LDLRAD4: variants seen among roughly 807,000 people sequenced by gnomAD.
LDLRAD4 encodes the protein low density lipoprotein receptor class A domain containing 4.
Under a neutral mutation model 17.0 loss-of-function variants are expected in LDLRAD4, and 5 were observed. The observed-to-expected ratio is 0.29, with a 90% CI of 0.15 to 0.62. The LOEUF (loss-of-function observed/expected upper bound fraction) is 0.62, where lower values mean the gene tolerates loss of function less well. Among genes scored for constraint, LDLRAD4 ranks in the 20% least tolerant of loss-of-function variants. The pLI, the probability that LDLRAD4 is intolerant of heterozygous loss-of-function variation, is 0.84. For synonymous variants in LDLRAD4, 168 were observed against 171.8 expected (o/e 0.98, Z 0.17); for missense variants, 340 against 424.7 (o/e 0.80, Z 1.75).
At chr18:13,280,189 C>T (rs2045169751) in intron 1 of LDLRAD4, 1 of 152,254 alleles carries the variant, frequency 6.6e-6, no homozygotes, top group Admixed American at 6.5e-5. Flanking sequence ...CTCGATGAAT[C>T]TGAAAACATA....
intron 3 of LDLRAD4, among the ~76,000 whole-genome samples, chr18:13,605,941 G>A (rs1481954349): frequency 6.6e-6 from 1 of 152,160 alleles, no homozygotes; most frequent in Non-Finnish European, 1.5e-5. Flanking sequence ...GCAGGCTCCA[G>A]TTCCCCAGGT....
intron 3 of LDLRAD4, among the ~76,000 whole-genome samples, chr18:13,588,938 T>C (rs567206534): frequency 2.4e-4 from 36 of 150,678 alleles, no homozygotes; most frequent in Middle Eastern, 3.4e-3. Context: ...TTTTTCTTTT[T>C]TTTTTTTTGA....
At chr18:13,505,674 C>T (rs540754968) in intron 3 of LDLRAD4, among the ~76,000 whole-genome samples, 9 of 151,962 alleles carry the variant, frequency 5.9e-5, no homozygotes, top group South Asian at 2.1e-4. Context: ...AAATATTACC[C>T]GGGCGTGGTG....
chr18:13,590,566 T>C (rs2095010947), intron 3 of LDLRAD4, among the ~76,000 whole-genome samples: 1 of 152,200 alleles, frequency 6.6e-6, no homozygotes, highest in African/African-American at 2.4e-5. Flanking sequence ...CAGTCCTCAC[T>C]GGTGTCTTTT....
At chr18:13,387,063 G>A (rs2085893351) in intron 1 of LDLRAD4, among the ~76,000 whole-genome samples, 1 of 152,220 alleles carries the variant, frequency 6.6e-6, no homozygotes, top group Admixed American at 6.5e-5. Context: ...ACAGACCCCA[G>A]TCTAAGGCCT....
intron 1 of LDLRAD4, among the ~76,000 whole-genome samples, chr18:13,363,007 A>G (rs1447922184): frequency 1.3e-5 from 2 of 152,164 alleles, no homozygotes; most frequent in African/African-American, 4.8e-5. Flanking sequence ...AAAAATGCCA[A>G]CCGGCAGCAA....
At chr18:13,280,482 G>C (rs184459472) in intron 1 of LDLRAD4, among the ~76,000 whole-genome samples, 2 of 152,308 alleles carry the variant, frequency 1.3e-5, no homozygotes, top group Admixed American at 6.5e-5. Flanking sequence ...GGGGGGATTG[G>C]AGGAAAATAG....
At chr18:13,544,031 CAG>C (rs2094324199) in intron 3 of LDLRAD4, among the ~76,000 whole-genome samples, 1 of 152,396 alleles carries the variant, frequency 6.6e-6, no homozygotes, top group African/African-American at 2.4e-5. Flanking sequence ...TGCATGCACA[CAG>C]TGTGCACACA....
chr18:13,246,721 G>A (rs1172004738), intron 1 of LDLRAD4, among the ~76,000 whole-genome samples: 1 of 152,160 alleles, frequency 6.6e-6, no homozygotes, highest in Non-Finnish European at 1.5e-5. Flanking sequence ...TGTGGAGTGC[G>A]CCATGTCAGA....
intron 3 of LDLRAD4, among the ~76,000 whole-genome samples, chr18:13,556,867 C>T (rs997887577): frequency 6.6e-6 from 1 of 152,160 alleles, no homozygotes; most frequent in African/African-American, 2.4e-5. Flanking sequence ...TCAAGTTGCT[C>T]TTTTCCCCCG....
intron 1 of LDLRAD4, among the ~76,000 whole-genome samples, chr18:13,339,595 C>G (rs2082270823): frequency 6.6e-6 from 1 of 151,238 alleles, no homozygotes; most frequent in Non-Finnish European, 1.5e-5. Context: ...AGAAAAGGTA[C>G]AGTGTAATGC....
chr18:13,608,171 A>G (rs2095243064), intron 3 of LDLRAD4, among the ~76,000 whole-genome samples: 1 of 145,922 alleles, frequency 6.9e-6, no homozygotes, highest in African/African-American at 2.5e-5. Flanking sequence ...AAAAAAAAAA[A>G]GCTCATCATC....
intron 1 of LDLRAD4, chr18:13,241,582 G>T (rs1188607071): frequency 3.9e-5 from 6 of 152,416 alleles, no homozygotes; most frequent in Admixed American, 3.9e-4. Flanking sequence ...GAGAGCAGCA[G>T]GTGAAGGCTG....
chr18:13,377,451 C>T (rs960975516), intron 1 of LDLRAD4, among the ~76,000 whole-genome samples: 1 of 152,174 alleles, frequency 6.6e-6, no homozygotes, highest in African/African-American at 2.4e-5. Flanking sequence ...CCCGTGCCTT[C>T]TCCCAGGTGG....
At chr18:13,294,110 T>C (rs995257617) in intron 1 of LDLRAD4, among the ~76,000 whole-genome samples, 1 of 152,236 alleles carries the variant, frequency 6.6e-6, no homozygotes, top group Admixed American at 6.5e-5. Flanking sequence ...CCTTGAGCAG[T>C]AGGATATAAA....
intron 1 of LDLRAD4, among the ~76,000 whole-genome samples, chr18:13,314,807 G>A (rs1472378014): frequency 6.6e-6 from 1 of 152,206 alleles, no homozygotes; most frequent in African/African-American, 2.4e-5. Context: ...AAATATTAAG[G>A]TGAGCCTAGT....
At chr18:13,392,506 G>A (rs1012872260) in intron 2 of LDLRAD4, among the ~76,000 whole-genome samples, 3 of 152,210 alleles carry the variant, frequency 2.0e-5, no homozygotes, top group African/African-American at 7.2e-5. Flanking sequence ...GCAGAGGGAA[G>A]CAGGGACCCT....
chr18:13,307,794 A>G (rs191072920), intron 1 of LDLRAD4, among the ~76,000 whole-genome samples: 3 of 152,240 alleles, frequency 2.0e-5, no homozygotes, highest in Admixed American at 6.5e-5. Flanking sequence ...TGCATAATAC[A>G]TATAACATTG....
chr18:13,498,516 C>T lies in LDLRAD4; in HGVS notation c.181+60132C>T, dbSNP rs1000279375. Among the ~76,000 whole-genome samples, 5 of 149,426 alleles carry T rather than the reference C, an allele frequency of 3.3e-5. No homozygotes were observed. In the East Asian group the frequency reaches 8.1e-4, roughly 24 times the overall value. ...ACACTGGAGAATCCTTCTTGACACACGTGTCCCACTGTGGACACTGGAGAA... is the reference window on the plus strand; with the variant it reads ...ACACTGGAGAATCCTTCTTGACACATGTGTCCCACTGTGGACACTGGAGAA... On this transcript the variant is annotated intron_variant, in intron 3 of 5. Coordinates refer to ENST00000359446, the Ensembl canonical transcript of LDLRAD4.
Sources: gnomAD v4.1 joint callset for allele counts (sites outside exome capture counted in the v4.1 genomes callset) on GRCh38, gnomAD v4.1.1 for gene constraint, MANE v1.5 for transcripts, NCBI Gene and HGNC (gene_info 2026-07-23, HGNC 2026-07-21) for gene names.